NXPE2: variants seen among roughly 807,000 people sequenced by gnomAD.
NXPE2 encodes the protein neurexophilin and PC-esterase domain family member 2, also known as NXPE family member 2.
In NXPE2, 34 loss-of-function variants were observed where a neutral mutation model predicts 34.4. The ratio of observed to expected loss-of-function variants is 0.99; its 90% CI spans 0.75 to 1.31. NXPE2 has a LOEUF of 1.31. Ranked by LOEUF, NXPE2 falls within the 40% of genes most tolerant of loss-of-function variation. The pLI is 0.00. For synonymous variants in NXPE2, 235 were observed against 231.3 expected (o/e 1.02, Z -0.15); for missense variants, 649 against 672.5 (o/e 0.97, Z 0.39).
the NXPE2 span, among the ~76,000 whole-genome samples, chr11:114,516,879 G>A: frequency 1.3e-5 from 2 of 152,172 alleles, no homozygotes; most frequent in South Asian, 4.2e-4. Flanking sequence ...CCTCTGGGAC[G>A]CTTTCCCCAA....
At chr11:114,572,845 T>C in the NXPE2 span, among the ~76,000 whole-genome samples, 1 of 152,082 alleles carries the variant, frequency 6.6e-6, no homozygotes, top group South Asian at 2.1e-4. Context: ...GACATCCAAA[T>C]ACAAGCAGCT....
chr11:114,682,807 A>G (rs1242864665), intron 2 of NXPE2, among the ~76,000 whole-genome samples: 1 of 151,930 alleles, frequency 6.6e-6, no homozygotes, highest in Non-Finnish European at 1.5e-5. Flanking sequence ...CTTTAAGAAA[A>G]CATTGCTAGC....
chr11:114,525,565 C>A, the NXPE2 span, among the ~76,000 whole-genome samples: 1 of 152,030 alleles, frequency 6.6e-6, no homozygotes, highest in African/African-American at 2.4e-5. Flanking sequence ...TCAGCTTCCC[C>A]CTTCCCCCCT....
rs1951293206 is a variant in NXPE2 at position 114,698,123 on chromosome 11, CTG to C, written c.215_216del (p.Cys72SerfsTer9). 2 of 1,613,678 alleles carry C rather than the reference CTG, an allele frequency of 1.2e-6. No individual in the cohort carries two copies. The highest frequency in any genetic ancestry group is 1.7e-5 in the Admixed American group (1 of 59,972). ...AAAATATTCACACTCTGAAACACCACTGTGTCCAGCAGTTTCACCAAAAGAGA... is the reference window on the plus strand; with the variant it reads ...AAAATATTCACACTCTGAAACACCACTGTCCAGCAGTTTCACCAAAAGAGA... The part of the protein sequence containing the change: ...FKKYSHSETP[L>X]CPAVSPKETE... On this transcript the variant is annotated frameshift_variant, in exon 3 of 6. Transcript: ENST00000389586. LOFTEE classifies it high-confidence loss of function.
chr11:114,518,590 G>A, the NXPE2 span, among the ~76,000 whole-genome samples: 2 of 152,224 alleles, frequency 1.3e-5, no homozygotes, highest in African/African-American at 4.8e-5. Flanking sequence ...AAACTGAATA[G>A]ATAGAAGGGG....
chr11:114,668,050 G>C, the NXPE2 span, among the ~76,000 whole-genome samples: 2 of 152,028 alleles, frequency 1.3e-5, no homozygotes, highest in African/African-American at 4.8e-5. Flanking sequence ...AGGAACCTCA[G>C]CCTTTCTTAG....
the NXPE2 span, among the ~76,000 whole-genome samples, chr11:114,617,387 A>T: frequency 1.3e-5 from 2 of 152,186 alleles, no homozygotes; most frequent in South Asian, 2.1e-4. Flanking sequence ...TACCCGGTAG[A>T]TAATAAGTAT....
At chr11:114,583,774 C>T in the NXPE2 span, 8 of 458,094 alleles carry the variant, frequency 1.7e-5, no homozygotes, top group East Asian at 1.1e-4. Context: ...TGTATGTTGA[C>T]GTTGATATTC....
chr11:114,582,887 C>T, the NXPE2 span: 6 of 1,614,122 alleles, frequency 3.7e-6, no homozygotes, highest in South Asian at 4.4e-5. Context: ...GATCTAGTTT[C>T]TCTATGATTT....
the NXPE2 span, among the ~76,000 whole-genome samples, chr11:114,625,820 A>C: frequency 6.6e-6 from 1 of 152,090 alleles, no homozygotes; most frequent in East Asian, 1.9e-4. Context: ...GGGTGAGCAC[A>C]CCACGTGCAA....
the NXPE2 span, chr11:114,553,644 C>T: frequency 1.2e-6 from 1 of 865,500 alleles, no homozygotes; most frequent in Non-Finnish European, 1.4e-6. Flanking sequence ...TTCTTAGAAT[C>T]CTATGGCCAG....
the NXPE2 span, among the ~76,000 whole-genome samples, chr11:114,733,015 C>A: frequency 6.6e-6 from 1 of 152,058 alleles, no homozygotes; most frequent in Non-Finnish European, 1.5e-5. Flanking sequence ...TCAGTTTGCT[C>A]TTTTAACTAG....
chr11:114,591,790 T>C, the NXPE2 span, among the ~76,000 whole-genome samples: 1 of 152,238 alleles, frequency 6.6e-6, no homozygotes, highest in African/African-American at 2.4e-5. Flanking sequence ...AGTAGTGGCC[T>C]ACAAATCTGT....
the NXPE2 span, among the ~76,000 whole-genome samples, chr11:114,640,313 ATATAT>A: frequency 6.1e-5 from 9 of 146,396 alleles, no homozygotes; most frequent in Admixed American, 2.1e-4. Flanking sequence ...TTATATATTT[ATATAT>A]TATATGTTTA....
the NXPE2 span, among the ~76,000 whole-genome samples, chr11:114,655,874 A>G: frequency 6.6e-6 from 1 of 152,290 alleles, no homozygotes; most frequent in South Asian, 2.1e-4. Flanking sequence ...ATTCCCTTCA[A>G]GGATGCCCTC....
chr11:114,482,374 C>T, the NXPE2 span, among the ~76,000 whole-genome samples: 10 of 152,162 alleles, frequency 6.6e-5, no homozygotes, highest in Non-Finnish European at 1.3e-4. Flanking sequence ...AGTTAAGCAA[C>T]TAGAACTATC....
the NXPE2 span, among the ~76,000 whole-genome samples, chr11:114,640,244 T>C: frequency 7.1e-6 from 1 of 141,724 alleles, no homozygotes; most frequent in African/African-American, 2.6e-5. Context: ...TTATATATTA[T>C]AAAATATAAA....
chr11:114,643,521 C>A, the NXPE2 span, among the ~76,000 whole-genome samples: 3 of 152,042 alleles, frequency 2.0e-5, no homozygotes, highest in Non-Finnish European at 4.4e-5. Context: ...GGAATCCTTT[C>A]CCCATTGCTT....
chr11:114,585,594 C>T, the NXPE2 span, among the ~76,000 whole-genome samples: 4 of 150,888 alleles, frequency 2.7e-5, no homozygotes, highest in East Asian at 3.9e-4. Flanking sequence ...AATATATGTA[C>T]GTGTGTGTGT....
Sources: allele counts gnomAD v4.1 joint callset (sites outside exome capture counted in the v4.1 genomes callset), GRCh38; gene constraint gnomAD v4.1.1; transcripts MANE v1.5; gene names NCBI Gene and HGNC (gene_info 2026-07-23, HGNC 2026-07-21).